ZEB1: variants seen among roughly 807,000 people sequenced by gnomAD.
ZEB1 encodes the protein zinc finger E-box-binding homeobox 1.
In ZEB1, 21 loss-of-function variants were observed where a neutral mutation model predicts 84.9. The observed-to-expected ratio is 0.25, with a 90% CI of 0.18 to 0.36. ZEB1 has a LOEUF of 0.36. Ranked by LOEUF, ZEB1 falls within the 10% of genes least tolerant of loss-of-function variation. The probability of loss-of-function intolerance (pLI) is 1.00; values close to 1 mark genes in which losing one functional copy is unlikely to be tolerated. For missense variants in ZEB1, 1,104 were observed against 1,330.2 expected (o/e 0.83, Z 2.65); for synonymous variants, 420 against 471.1 (o/e 0.89, Z 1.41).
At chr10:31,469,392 T>A (rs980431182) in intron 2 of ZEB1, among the ~76,000 whole-genome samples, 1 of 152,152 alleles carries the variant, frequency 6.6e-6, no homozygotes, top group African/African-American at 2.4e-5. Context: ...AGGCATTGCC[T>A]CACTCGGGAA....
intron 1 of ZEB1, among the ~76,000 whole-genome samples, chr10:31,324,670 T>A (rs1380200091): frequency 6.6e-6 from 1 of 152,078 alleles, no homozygotes; most frequent in Non-Finnish European, 1.5e-5. Context: ...AAATGCATGC[T>A]CTTTATTTCT....
intron 1 of ZEB1, among the ~76,000 whole-genome samples, chr10:31,427,443 T>C (rs2057093459): frequency 1.3e-5 from 2 of 152,168 alleles, no homozygotes; most frequent in African/African-American, 4.8e-5. Flanking sequence ...CCCTGGTTGA[T>C]ACCAGGGCTC....
In ZEB1 at chr10:31,387,827, G is replaced by A. The variant is rs541686986; in HGVS notation, c.58+68535G>A. The A allele has an allele frequency of 1.8e-4, 164 of 912,038 alleles. No individual in the cohort carries two copies. In the Middle Eastern group the frequency reaches 2.2e-3, roughly 12 times the overall value. 56.5% of individuals were successfully genotyped at this position (912,038 alleles called of 1,614,324 possible). A position where few individuals can be genotyped will look rare whatever the true frequency, so the allele number is the denominator to read the frequency against. ...TGTAATCATAAAATTTTTTATGTCAGATCTTAATTGAAAAATATTACTTAA... is the reference window on the plus strand; with the variant it reads ...TGTAATCATAAAATTTTTTATGTCAAATCTTAATTGAAAAATATTACTTAA... On this transcript the variant is annotated intron_variant, in intron 1 of 8. Transcript: ENST00000424869.
At chr10:31,472,171 C>T (rs1203591860) in intron 2 of ZEB1, among the ~76,000 whole-genome samples, 2 of 151,320 alleles carry the variant, frequency 1.3e-5, no homozygotes, top group Non-Finnish European at 2.9e-5. Context: ...CAAGAGCAAA[C>T]ACATTCAAAA....
chr10:31,437,921 C>T (rs768846383), intron 1 of ZEB1, among the ~76,000 whole-genome samples: 3 of 152,088 alleles, frequency 2.0e-5, no homozygotes, highest in Non-Finnish European at 4.4e-5. Flanking sequence ...ATCGATAAGC[C>T]TCAAAGCCAA....
chr10:31,502,474 A>G lies in ZEB1; in HGVS notation c.449A>G (p.Gln150Arg). The G allele has an allele frequency of 6.2e-7, 1 of 1,613,948 alleles. No homozygotes were observed. The highest frequency in any genetic ancestry group is 8.5e-7 in the Non-Finnish European group (1 of 1,179,826). Residue 150 changes from glutamine to arginine, a missense_variant, in exon 4 of 9, where the codon CAG becomes CGG. Physicochemically the swap from Gln to Arg is conservative, Grantham distance 43 (BLOSUM62 1). Around this residue, in one of 7 missense-constraint regions of ZEB1, gnomAD observed 162 missense variants for 184.5 expected, o/e 0.88. Coordinates refer to ENST00000424869, the MANE Select transcript of ZEB1 (RefSeq NM_001174096.2). ...GAGGCACCTGAAGAGGACCAGAGGC[A>G]GGGCACACCAGAAGCCAGTGGTCAT... is the stretch of plus-strand genomic sequence containing the variant. Reference protein sequence around the residue: ...FPEAPEEDQRQGTPEASGHDE... With the variant: ...FPEAPEEDQRRGTPEASGHDE...
rs143232269 is a variant in ZEB1 at position 31,514,707 on chromosome 10, T to C, written c.792T>C (p.Ser264=). 1.6e-4 allele frequency: 265 copies of C among 1,610,306 alleles called. 2 individuals are homozygous for C. The African/African-American group carries it at 3.2e-3, about 20-fold the overall frequency. ...TAAAAGAGCACTTAAGAATTCACAG[T>C]GGTAAATATTTTTTTTCTTTCTATA... ...HHLKEHLRIH[S]GEKPYECPNC... The change falls in exon 6 of 9, where the codon AGT becomes AGC. Residue 264 remains serine, a splice_region_variant and synonymous_variant. Transcript: ENST00000424869.
At chr10:31,444,791 G>A (rs2136726478) in intron 1 of ZEB1, among the ~76,000 whole-genome samples, 1 of 151,354 alleles carries the variant, frequency 6.6e-6, no homozygotes, top group Non-Finnish European at 1.5e-5. Context: ...TTTGGTACCA[G>A]TACCATGCTG....
intron 1 of ZEB1, chr10:31,320,676 C>G (rs1202448345): frequency 1.3e-5 from 2 of 152,132 alleles, no homozygotes. Context: ...GCACAGTCGC[C>G]TTTTCCAGTT....
At position 31,459,996 on chromosome 10, in the gene ZEB1, T is replaced by C. The variant is rs1434769146; in HGVS notation, c.59-1041T>C. Among the ~76,000 whole-genome samples, 3 of 151,924 alleles carry C rather than the reference T, an allele frequency of 2.0e-5. No individual in the cohort carries two copies. The East Asian group carries it at 5.8e-4, about 29-fold the overall frequency. ...ACTGATAGTAATTACTGCCTAGTTA[T>C]CTAAATAAAGTGAAGCTTCTTTTTC... On this transcript the variant is annotated intron_variant, in intron 1 of 8. Transcript: ENST00000424869.
chr10:31,411,155 A>G (rs568418273), intron 1 of ZEB1, among the ~76,000 whole-genome samples: 11 of 152,362 alleles, frequency 7.2e-5, no homozygotes, highest in South Asian at 6.2e-4. Flanking sequence ...AACGGAAATC[A>G]TAACAGTATA....
At chr10:31,362,136 G>A (rs1184784089) in intron 1 of ZEB1, among the ~76,000 whole-genome samples, 4 of 151,866 alleles carry the variant, frequency 2.6e-5, no homozygotes, top group Non-Finnish European at 5.9e-5. Context: ...CGGGGCAGAG[G>A]CGCTCCTTGT....
chr10:31,373,101 G>A (rs958979143), intron 1 of ZEB1: 2 of 985,370 alleles, frequency 2.0e-6, no homozygotes, highest in Non-Finnish European at 2.4e-6. Flanking sequence ...TTGTGATTTG[G>A]CTACTGTCTG....
chr10:31,411,059 C>G (rs1037930917), intron 1 of ZEB1, among the ~76,000 whole-genome samples: 2 of 152,100 alleles, frequency 1.3e-5, no homozygotes, highest in Admixed American at 1.3e-4. Context: ...TTTGCTCTTG[C>G]TTCTCTAGTT....
intron 1 of ZEB1, among the ~76,000 whole-genome samples, chr10:31,352,171 A>C (rs1311218842): frequency 6.6e-6 from 1 of 152,126 alleles, no homozygotes; most frequent in East Asian, 1.9e-4. Flanking sequence ...CCTTATTTTC[A>C]TAAGACTTAG....
At chr10:31,445,209 T>G (rs28762708) in intron 1 of ZEB1, among the ~76,000 whole-genome samples, 1 of 146,480 alleles carries the variant, frequency 6.8e-6, no homozygotes, top group Non-Finnish European at 1.5e-5. Flanking sequence ...TGATTTGGCT[T>G]TCTGTTTGTC....
chr10:31,524,805 AG>A (rs1236586875), intron 8 of ZEB1, among the ~76,000 whole-genome samples: 1 of 150,592 alleles, frequency 6.6e-6, no homozygotes, highest in Non-Finnish European at 1.5e-5. Context: ...TAAAAGAAAA[AG>A]CTGCTTCATA....
At chr10:31,326,151 G>T (rs559943687) in intron 1 of ZEB1, among the ~76,000 whole-genome samples, 22 of 152,126 alleles carry the variant, frequency 1.4e-4, no homozygotes, top group African/African-American at 5.3e-4. Flanking sequence ...CTCTAGAAGA[G>T]ACTTTAATGT....
At chr10:31,442,706 C>A (rs766068556) in intron 1 of ZEB1, among the ~76,000 whole-genome samples, 35 of 151,732 alleles carry the variant, frequency 2.3e-4, no homozygotes, top group Non-Finnish European at 4.7e-4. Flanking sequence ...AGGAAAGAAA[C>A]GAAAAAGAAG....
Sources: allele counts gnomAD v4.1 joint callset (sites outside exome capture counted in the v4.1 genomes callset), GRCh38; gene constraint gnomAD v4.1.1; regional missense constraint gnomAD v4.1.1; transcripts MANE v1.5; gene names NCBI Gene and HGNC (gene_info 2026-07-23, HGNC 2026-07-21).